LRPPRC: variants seen among roughly 807,000 people sequenced by gnomAD.
LRPPRC encodes the protein leucine-rich PPR motif-containing protein, mitochondrial.
In LRPPRC, 120 loss-of-function variants were observed where a neutral mutation model predicts 180.3. The ratio of observed to expected loss-of-function variants is 0.67; its 90% CI spans 0.57 to 0.77. The LOEUF is 0.77. Ranked by LOEUF, LRPPRC falls within the 30% of genes least tolerant of loss-of-function variation. The pLI is 0.00. For synonymous variants in LRPPRC, 723 were observed against 600.0 expected, an observed-to-expected ratio of 1.21 and a Z score of -3.00; for missense variants, 2,012 against 1,657.2, an observed-to-expected ratio of 1.21 and a Z score of -3.72.
chr2:43,908,318 T>C (rs1181935734), intron 30 of LRPPRC, among the ~76,000 whole-genome samples: 2 of 152,184 alleles, frequency 1.3e-5, no homozygotes, highest in African/African-American at 4.8e-5. Flanking sequence ...TAAATTATTT[T>C]GAAACATGAA....
intron 1 of LRPPRC, among the ~76,000 whole-genome samples, chr2:43,994,742 G>C (rs528066776): frequency 3.0e-4 from 46 of 152,118 alleles, no homozygotes; most frequent in African/African-American, 8.7e-4. Flanking sequence ...CCCTTCTCTG[G>C]TGGTCAGAAT....
intron 11 of LRPPRC, among the ~76,000 whole-genome samples, chr2:43,967,688 G>C (rs376260866): frequency 4.6e-5 from 7 of 151,942 alleles, no homozygotes; most frequent in African/African-American, 2.4e-5. Context: ...AGCGAGACTC[G>C]GTCTCAAATA....
intron 1 of LRPPRC, among the ~76,000 whole-genome samples, chr2:43,990,842 CT>C (rs11443325): frequency 3.2e-4 from 43 of 134,574 alleles, no homozygotes; most frequent in Admixed American, 4.6e-4. Flanking sequence ...CCATCAGGTT[CT>C]TTTTTTTTTT....
chr2:43,889,567 GCC>G lies in LRPPRC; in HGVS notation c.4128+165_4128+166del, dbSNP rs141240006. Among the ~76,000 whole-genome samples, 1,372 of 152,218 alleles carry G rather than the reference GCC, an allele frequency of 9.0e-3. 20 individuals carry two copies. Among genetic ancestry groups the G allele is most frequent in the African/African-American group, 0.031 (1,295 of 41,512 alleles). ...CCCCAGAGAGCTATGTTCTCCGACT[GCC>G]GCAGCCAAGGCATGCTGCTCAGTCC... On this transcript the variant is annotated intron_variant, in intron 37 of 37. Transcript: ENST00000260665.
intron 22 of LRPPRC, among the ~76,000 whole-genome samples, chr2:43,944,345 A>G (rs1453480908): frequency 6.6e-6 from 1 of 152,102 alleles, no homozygotes; most frequent in Non-Finnish European, 1.5e-5. Context: ...TGTCGATACT[A>G]ATTAGCCAAG....
intron 36 of LRPPRC, among the ~76,000 whole-genome samples, chr2:43,891,424 T>C (rs1183874515): frequency 6.6e-6 from 1 of 152,228 alleles, no homozygotes; most frequent in Non-Finnish European, 1.5e-5. Flanking sequence ...ATGCCATTTT[T>C]CCAACAATAT....
Position 43,947,251 on chromosome 2 carries a change from T to C in LRPPRC, c.2079+6A>G, listed in dbSNP as rs762770319. 7.8e-6 allele frequency: 11 copies of C among 1,410,020 alleles called. No homozygotes were observed. The highest frequency in any genetic ancestry group is 1.1e-5 in the Non-Finnish European group (11 of 1,004,834). 87.3% of individuals were successfully genotyped at this position (1,410,020 alleles called of 1,614,324 possible). ...AATAATATTTAAATATTAAAACAAA[T>C]GTTACCTCTTCTGAACAAAGCACTA... On this transcript the variant is annotated splice_donor_region_variant and intron_variant, in intron 20 of 37. Coordinates refer to ENST00000260665, the MANE Select transcript of LRPPRC (RefSeq NM_133259.4).
intron 1 of LRPPRC, among the ~76,000 whole-genome samples, chr2:43,985,746 G>A (rs1424746298): frequency 6.6e-6 from 1 of 152,160 alleles, no homozygotes; most frequent in Non-Finnish European, 1.5e-5. Flanking sequence ...AGGACATCCA[G>A]GTTGCTTCCA....
chr2:43,894,920 C>T (rs577450144), intron 35 of LRPPRC, among the ~76,000 whole-genome samples: 2 of 152,098 alleles, frequency 1.3e-5, no homozygotes, highest in African/African-American at 2.4e-5. Flanking sequence ...GGTGACCATA[C>T]CAAGAAGTTA....
At chr2:43,985,768 T>G (rs1674502815) in intron 1 of LRPPRC, among the ~76,000 whole-genome samples, 1 of 152,240 alleles carries the variant, frequency 6.6e-6, no homozygotes, top group East Asian at 1.9e-4. Flanking sequence ...TTTTTGACAA[T>G]TATGAATAAA....
In LRPPRC at chr2:43,925,945, G is replaced by T; in HGVS notation, c.2753C>A (p.Ala918Asp). The T allele has an allele frequency of 6.2e-7, 1 of 1,608,800 alleles. No individual in the cohort carries two copies. Among genetic ancestry groups the T allele is most frequent in the Non-Finnish European group, 8.5e-7 (1 of 1,175,174 alleles). Residue 918 changes from alanine (A) to aspartate (D), a missense_variant, in exon 26 of 38, where the codon GCT becomes GAT. Physicochemically the swap from Ala to Asp is moderately radical, Grantham distance 126. Coordinates refer to ENST00000260665, the MANE Select transcript of LRPPRC (RefSeq NM_133259.4). ...KKIIETPGIR[A>D]RSARLQWFCD... The stretch of plus-strand genomic sequence containing the variant: ...AAACCACTGAAGCCTTGCAGATCGA[G>T]CTCTAATCCCTGGAGTCTGTAAAAT...
At chr2:43,944,835 T>C (rs1212937770) in intron 22 of LRPPRC, among the ~76,000 whole-genome samples, 1 of 152,104 alleles carries the variant, frequency 6.6e-6, no homozygotes, top group Non-Finnish European at 1.5e-5. Flanking sequence ...GCTTTTTCCA[T>C]GAACCATTAA....
At chr2:43,926,170 GACCTTTAAGTAA>G (rs1198351742) in intron 25 of LRPPRC, among the ~76,000 whole-genome samples, 1 of 151,958 alleles carries the variant, frequency 6.6e-6, no homozygotes, top group Non-Finnish European at 1.5e-5. Context: ...AGTTATCAAA[GACCTTTAAGTAA>G]GAGTAGAAGA....
chr2:43,940,370 C>G (rs1672434733), intron 23 of LRPPRC, among the ~76,000 whole-genome samples: 1 of 152,102 alleles, frequency 6.6e-6, no homozygotes, highest in Admixed American at 6.5e-5. Context: ...AAGCCTATTT[C>G]CCATTTATGT....
At chr2:43,958,956 T>C (rs770386755) in intron 13 of LRPPRC, 64 of 382,638 alleles carry the variant, frequency 1.7e-4, no homozygotes, top group Non-Finnish European at 2.6e-4. Flanking sequence ...AAATTCATTT[T>C]TATACTATTC....
At chr2:43,992,853 C>G (rs1674847138) in intron 1 of LRPPRC, among the ~76,000 whole-genome samples, 1 of 152,048 alleles carries the variant, frequency 6.6e-6, no homozygotes, top group Non-Finnish European at 1.5e-5. Context: ...ACCTATAGTT[C>G]AAGCAGGTGG....
intron 36 of LRPPRC, among the ~76,000 whole-genome samples, chr2:43,894,213 T>C (rs982610151): frequency 6.6e-6 from 1 of 152,156 alleles, no homozygotes; most frequent in Non-Finnish European, 1.5e-5. Flanking sequence ...TTGGGGAGAC[T>C]GAACTGGTTT....
chr2:43,983,681 TAC>T (rs1674408266), intron 1 of LRPPRC, among the ~76,000 whole-genome samples: 1 of 152,188 alleles, frequency 6.6e-6, no homozygotes, highest in Non-Finnish European at 1.5e-5. Flanking sequence ...TTTTCAGACG[TAC>T]ACATTTTCAT....
intron 30 of LRPPRC, among the ~76,000 whole-genome samples, chr2:43,906,428 T>C (rs181377456): frequency 6.6e-4 from 100 of 152,266 alleles, no homozygotes; most frequent in South Asian, 1.9e-3. Flanking sequence ...AAAAATCACT[T>C]GACTTTTCAA....
Sources: allele counts gnomAD v4.1 joint callset (sites outside exome capture counted in the v4.1 genomes callset), GRCh38; gene constraint gnomAD v4.1.1; transcripts MANE v1.5; gene names NCBI Gene and HGNC (gene_info 2026-07-23, HGNC 2026-07-21).